The following EMSY variants were observed in gnomAD, a reference collection of about 807,000 sequenced individuals.
EMSY encodes BRCA2-interacting transcriptional repressor EMSY.
EMSY carries 26 observed loss-of-function variants against 134.6 expected under a neutral mutation model. The observed-to-expected ratio is 0.19, with a 90% CI of 0.14 to 0.27. The LOEUF is 0.27. Among genes scored for constraint, EMSY ranks in the 10% least tolerant of loss-of-function variants. The pLI, the probability that EMSY is intolerant of heterozygous loss-of-function variation, is 1.00. For missense variants in EMSY, 1,305 were observed against 1,611.4 expected (o/e 0.81, Z 3.26); for synonymous variants, 579 against 577.8 (o/e 1.00, Z -0.03).
At chr11:76,506,655 T>A (rs149721038) in intron 9 of EMSY, among the ~76,000 whole-genome samples, 21 of 152,256 alleles carry the variant, frequency 1.4e-4, no homozygotes, top group African/African-American at 4.6e-4. Flanking sequence ...AAAAAAATAC[T>A]GAGATAACAT....
At chr11:76,539,037 A>G (rs61894548) in intron 16 of EMSY, among the ~76,000 whole-genome samples, 2,370 of 152,296 alleles carry the variant, frequency 0.016, 41 homozygotes, top group Middle Eastern at 0.037. Context: ...CAGATTAGCT[A>G]TTTGTTTAAA....
intron 10 of EMSY, 32 bp downstream of exon 11, chr11:76,513,567 C>T: frequency 4.4e-6 from 7 of 1,604,178 alleles, no homozygotes; most frequent in Non-Finnish European, 6.0e-6. Flanking sequence ...TTCATTTATT[C>T]ATCATACATT....
chr11:76,525,244 C>T (rs1171601655), intron 12 of EMSY, among the ~76,000 whole-genome samples: 2 of 152,122 alleles, frequency 1.3e-5, no homozygotes. Flanking sequence ...AGAGCTCTTT[C>T]CAGAGATGGT....
chr11:76,542,755 T>TTTTTG (rs796956645), intron 18 of EMSY, among the ~76,000 whole-genome samples: 52 of 123,222 alleles, frequency 4.2e-4, no homozygotes, highest in African/African-American at 7.4e-4. Context: ...CGTTTTTTGT[T>TTTTTG]TTTTTTTTTT....
At chr11:76,499,262 AC>A (rs1304496355) in intron 9 of EMSY, among the ~76,000 whole-genome samples, 1 of 143,114 alleles carries the variant, frequency 7.0e-6, no homozygotes, top group Non-Finnish European at 1.5e-5. Context: ...CATCTGGCCA[AC>A]CAATCTTATA....
intron 8 of EMSY, among the ~76,000 whole-genome samples, chr11:76,478,786 C>G (rs1459752351): frequency 6.7e-6 from 1 of 150,240 alleles, no homozygotes; most frequent in Admixed American, 6.6e-5. Context: ...ATTATTGTTG[C>G]ATAATTTATT....
intron 8 of EMSY, among the ~76,000 whole-genome samples, chr11:76,477,148 A>C (rs932800501): frequency 5.9e-5 from 9 of 151,960 alleles, no homozygotes; most frequent in Non-Finnish European, 1.3e-4. Context: ...TTGAACATAA[A>C]TTTTTATTGT....
chr11:76,552,622 T>G (rs1951862780), downstream of EMSY: 1 of 152,164 alleles, frequency 6.6e-6, no homozygotes, highest in South Asian at 2.1e-4. Context: ...TATGGTGAAC[T>G]TAGAGGATTA....
intron 2 of EMSY, among the ~76,000 whole-genome samples, chr11:76,450,052 AT>A (rs894024551): frequency 1.9e-5 from 2 of 107,498 alleles, no homozygotes; most frequent in African/African-American, 7.1e-5. Flanking sequence ...TCTTTTGTAC[AT>A]TTGCTTTTTT....
At chr11:76,531,788 TC>T (rs1026933045) in intron 14 of EMSY, among the ~76,000 whole-genome samples, 7 of 152,174 alleles carry the variant, frequency 4.6e-5, no homozygotes, top group African/African-American at 1.4e-4. Context: ...TAGTTGGCAT[TC>T]CACTATAAGG....
exon 7 of EMSY, chr11:76,463,859 C>A: frequency 6.2e-7 from 1 of 1,614,114 alleles, no homozygotes; most frequent in Non-Finnish European, 8.5e-7. Context: ...ACCCAGAAAA[C>A]GAAGGCGAAC....
intron 8 of EMSY, among the ~76,000 whole-genome samples, chr11:76,492,895 C>T (rs1296020296): frequency 6.6e-6 from 1 of 152,056 alleles, no homozygotes; most frequent in Non-Finnish European, 1.5e-5. Flanking sequence ...CTGTGGCCAC[C>T]CATGAACCAA....
chr11:76,518,102 T>C (rs1209355656), intron 11 of EMSY, among the ~76,000 whole-genome samples: 1 of 151,952 alleles, frequency 6.6e-6, no homozygotes, highest in Non-Finnish European at 1.5e-5. Context: ...CAGTTTTCTG[T>C]CTTCATCCAT....
chr11:76,488,491 T>A (rs923146867), intron 8 of EMSY, among the ~76,000 whole-genome samples: 2 of 151,742 alleles, frequency 1.3e-5, no homozygotes, highest in South Asian at 2.1e-4. Context: ...TTTAATAAAG[T>A]TATTGTTACA....
chr11:76,495,805 T>C (rs1949630871), intron 8 of EMSY, among the ~76,000 whole-genome samples: 1 of 152,162 alleles, frequency 6.6e-6, no homozygotes, highest in African/African-American at 2.4e-5. Flanking sequence ...TGAAAAATAA[T>C]ATTTGAAAAA....
At chr11:76,539,928 T>C (rs1951371265) in intron 17 of EMSY, among the ~76,000 whole-genome samples, 2 of 152,202 alleles carry the variant, frequency 1.3e-5, no homozygotes, top group Non-Finnish European at 2.9e-5. Flanking sequence ...GTTTATTCTG[T>C]GACCTTCCTC....
chr11:76,474,643 C>G (rs1190052466), intron 8 of EMSY, among the ~76,000 whole-genome samples: 1 of 152,126 alleles, frequency 6.6e-6, no homozygotes, highest in Non-Finnish European at 1.5e-5. Flanking sequence ...CATTTAATGT[C>G]TCAATCAATG....
At chr11:76,485,793 A>G (rs1949153738) in intron 8 of EMSY, among the ~76,000 whole-genome samples, 1 of 152,142 alleles carries the variant, frequency 6.6e-6, no homozygotes, top group Non-Finnish European at 1.5e-5. Context: ...ACACTTTTAC[A>G]CTGTTGGTGG....
intron 14 of EMSY, 122 bp downstream of exon 15, chr11:76,528,588 T>C (rs1950926522): frequency 3.9e-6 from 2 of 514,788 alleles, no homozygotes; most frequent in African/African-American, 2.0e-5. Context: ...TCTTTTCCTT[T>C]TTTTTTTTTT....
Sources: gnomAD v4.1 joint callset for allele counts (sites outside exome capture counted in the v4.1 genomes callset) on GRCh38, gnomAD v4.1.1 for gene constraint, MANE v1.5 for transcripts, NCBI Gene and HGNC (gene_info 2026-07-23, HGNC 2026-07-21) for gene names.